Variants in RBFOX3 observed in about 807,000 individuals in gnomAD.
The protein encoded by RBFOX3 is RNA binding fox-1 homolog 3.
In RBFOX3, 17 loss-of-function variants were observed where a neutral mutation model predicts 48.7. That is an observed-to-expected ratio of 0.35 (90% CI 0.24 to 0.52). The LOEUF is 0.52. RBFOX3 is among the 20% of genes least tolerant of loss of function. The pLI, the probability that RBFOX3 is intolerant of heterozygous loss-of-function variation, is 0.94. For missense variants in RBFOX3, 382 were observed against 497.5 expected, an observed-to-expected ratio of 0.77 and a Z score of 2.21; for synonymous variants, 212 against 209.5, an observed-to-expected ratio of 1.01 and a Z score of -0.10.
intron 3 of RBFOX3, among the ~76,000 whole-genome samples, chr17:79,246,735 G>C (rs977696956): frequency 3.9e-5 from 6 of 152,210 alleles, no homozygotes; most frequent in Non-Finnish European, 4.4e-5. Flanking sequence ...TTTGAGACCT[G>C]AAGAGGCACC....
At chr17:79,140,840 T>C (rs1030275276) in intron 4 of RBFOX3, among the ~76,000 whole-genome samples, 1 of 152,224 alleles carries the variant, frequency 6.6e-6, no homozygotes, top group Non-Finnish European at 1.5e-5. Context: ...GCCAAAGACC[T>C]ATCAGAAGTA....
At chr17:79,409,009 C>A (rs1264721424) in intron 2 of RBFOX3, among the ~76,000 whole-genome samples, 3 of 152,110 alleles carry the variant, frequency 2.0e-5, no homozygotes, top group African/African-American at 7.2e-5. Flanking sequence ...TGCCACCTGG[C>A]CCTCAGCCCT....
chr17:79,573,560 C>T (rs1236390317), intron 1 of RBFOX3, among the ~76,000 whole-genome samples: 16 of 152,194 alleles, frequency 1.1e-4, no homozygotes, highest in African/African-American at 1.7e-4. Context: ...TTCCCCAGCA[C>T]GGGAAGAACA....
At chr17:79,583,942 G>A (rs2093158293) in intron 1 of RBFOX3, among the ~76,000 whole-genome samples, 1 of 152,102 alleles carries the variant, frequency 6.6e-6, no homozygotes, top group Admixed American at 6.5e-5. Context: ...CGGACATGGC[G>A]GGGGATGGAG....
At position 79,183,667 on chromosome 17, in the gene RBFOX3, C is replaced by T. The variant is rs372018079; in HGVS notation, c.-34+52099G>A. On this transcript the variant is annotated intron_variant, in intron 4 of 14. Transcript: ENST00000693108. ...GAGCAGGAGTCAGTCACTTTGGAGCCTCCGGAGCCCTGTCTGCAAAGAGTG... is the reference window on the plus strand; with the variant it reads ...GAGCAGGAGTCAGTCACTTTGGAGCTTCCGGAGCCCTGTCTGCAAAGAGTG... 5.4e-4 allele frequency among the ~76,000 whole-genome samples: 82 copies of T among 152,226 alleles called. No individual in the cohort carries two copies. In the East Asian group the frequency reaches 0.014, roughly 27 times the overall value.
At position 79,421,359 on chromosome 17, in the gene RBFOX3, G is replaced by A. The variant is rs868968291; in HGVS notation, c.-175+61095C>T. Among the ~76,000 whole-genome samples, 2 of 152,208 alleles carry A rather than the reference G, an allele frequency of 1.3e-5. No homozygotes were observed. The highest frequency in any genetic ancestry group is 2.4e-5 in the African/African-American group (1 of 41,448). On this transcript the variant is annotated intron_variant, in intron 2 of 14. Transcript: ENST00000693108. The surrounding 1 kb of genome is among the most constrained non-coding windows in gnomAD (Gnocchi z 4.5). ...TCTACGCTTGAGGCTGGTGTCAGAA[G>A]TGGGGCTGCTTGAAGTGGATGGCCC...
chr17:79,283,729 C>G (rs1032849678), intron 3 of RBFOX3, among the ~76,000 whole-genome samples: 1 of 152,248 alleles, frequency 6.6e-6, no homozygotes, highest in Non-Finnish European at 1.5e-5. Flanking sequence ...GACCCGAGTC[C>G]TTGCCCATCA....
rs2055492741 is a variant in RBFOX3, at chr17:79,195,926, C to T, written c.-34+39840G>A. ...AGGAGAGGCCTCGGAAATGCCATTC[C>T]AGTGAAACTGGGCATGGCGATAATT... On this transcript the variant is annotated intron_variant, in intron 4 of 14. Transcript: ENST00000693108. This position sits in a 1 kb window ranked among gnomAD's most constrained non-coding sequence, Gnocchi z 5.3. Among the ~76,000 whole-genome samples, 1 of 152,202 alleles carries T rather than the reference C, an allele frequency of 6.6e-6. No individual in the cohort carries two copies. Among genetic ancestry groups the T allele is most frequent in the Admixed American group, 6.5e-5 (1 of 15,284 alleles).
intron 2 of RBFOX3, among the ~76,000 whole-genome samples, chr17:79,355,900 A>G (rs796726447): frequency 1.4e-4 from 22 of 152,308 alleles, no homozygotes; most frequent in African/African-American, 5.1e-4. Flanking sequence ...TTTAGAAATT[A>G]TGTTTCTTGT....
At chr17:79,245,945 C>T (rs2063112007) in intron 3 of RBFOX3, among the ~76,000 whole-genome samples, 1 of 152,052 alleles carries the variant, frequency 6.6e-6, no homozygotes. Flanking sequence ...GGATTTTAAT[C>T]CACTTTTTAA....
the RBFOX3 span, among the ~76,000 whole-genome samples, chr17:79,622,406 G>A: frequency 6.6e-6 from 1 of 152,226 alleles, no homozygotes; most frequent in South Asian, 2.1e-4. Flanking sequence ...AGGAGGTGGG[G>A]CTGGGAGGTG....
At chr17:79,437,126 C>T (rs1184417824) in intron 2 of RBFOX3, among the ~76,000 whole-genome samples, 2 of 152,014 alleles carry the variant, frequency 1.3e-5, no homozygotes, top group African/African-American at 2.4e-5. Flanking sequence ...TTTGAGCCTC[C>T]GCTTTCTCTC....
intron 4 of RBFOX3, among the ~76,000 whole-genome samples, chr17:79,175,513 C>T (rs191205422): frequency 1.4e-4 from 21 of 152,368 alleles, no homozygotes; most frequent in Admixed American, 1.1e-3. Flanking sequence ...GGTCCTTTCC[C>T]GCGGGCGTGC....
At chr17:79,297,366 A>G (rs1376637537) in intron 3 of RBFOX3, among the ~76,000 whole-genome samples, 1 of 152,126 alleles carries the variant, frequency 6.6e-6, no homozygotes, top group Non-Finnish European at 1.5e-5. Flanking sequence ...TTTGGGAAGC[A>G]CCAAAGCTGG....
In RBFOX3 at chr17:79,235,818, A is replaced by C. The variant is rs1030361351; in HGVS notation, c.-73-13T>G. The C allele has an allele frequency of 6.5e-6, 1 of 153,786 alleles. No homozygotes were observed. Among genetic ancestry groups the C allele is most frequent in the Non-Finnish European group, 1.5e-5 (1 of 68,050 alleles). The allele number at this position is 153,786 out of a possible 1,614,324, so 9.5% of individuals were successfully genotyped here. A position where few individuals can be genotyped will look rare whatever the true frequency, so the allele number is the denominator to read the frequency against. Reference sequence around the variant, plus strand: ...CACTCTGGGCTCTCTAAGAAAAGAAAAAGAGAGAAAGGAGAGAGAATCACA... The same window carrying C: ...CACTCTGGGCTCTCTAAGAAAAGAACAAGAGAGAAAGGAGAGAGAATCACA... On this transcript the variant is annotated splice_polypyrimidine_tract_variant and intron_variant, in intron 3 of 14. Transcript: ENST00000693108.
At chr17:79,452,356 C>T (rs890788880) in intron 2 of RBFOX3, among the ~76,000 whole-genome samples, 11 of 152,188 alleles carry the variant, frequency 7.2e-5, no homozygotes, top group African/African-American at 1.4e-4. Context: ...GAAGGGAAGG[C>T]GGATGGGCAT....
intron 4 of RBFOX3, among the ~76,000 whole-genome samples, chr17:79,224,615 C>T (rs1036824096): frequency 6.6e-6 from 1 of 152,220 alleles, no homozygotes; most frequent in Non-Finnish European, 1.5e-5. Flanking sequence ...GTGGACCTTA[C>T]CCATGCCATC....
intron 4 of RBFOX3, among the ~76,000 whole-genome samples, chr17:79,227,702 C>A (rs1364523179): frequency 2.0e-5 from 3 of 152,146 alleles, no homozygotes; most frequent in Non-Finnish European, 4.4e-5. Flanking sequence ...CCCAGGAAGA[C>A]CCTGACCAGC....
intron 4 of RBFOX3, among the ~76,000 whole-genome samples, chr17:79,194,598 A>T (rs1366596614): frequency 1.4e-5 from 2 of 140,312 alleles, no homozygotes; most frequent in African/African-American, 5.2e-5. Context: ...TGACAAAGTG[A>T]GAGTCTGTCT....
Sources: allele counts gnomAD v4.1 joint callset (sites outside exome capture counted in the v4.1 genomes callset), GRCh38; gene constraint gnomAD v4.1.1; non-coding constraint Gnocchi (gnomAD v3.1); transcripts MANE v1.5; gene names NCBI Gene and HGNC (gene_info 2026-07-23, HGNC 2026-07-21).